The following TRANK1 variants were observed in gnomAD, a reference collection of about 807,000 sequenced individuals.
The protein encoded by TRANK1 is tetratricopeptide repeat and ankyrin repeat containing 1.
In TRANK1, 198 loss-of-function variants were observed where a neutral mutation model predicts 266.0. The observed-to-expected ratio is 0.74, with a 90% CI of 0.66 to 0.84. The LOEUF is 0.84. TRANK1 is among the 40% of genes least tolerant of loss of function. The pLI is 0.00. For missense variants in TRANK1, 3,326 were observed against 3,634.6 expected, an observed-to-expected ratio of 0.92 and a Z score of 2.18; for synonymous variants, 1,396 against 1,384.1, an observed-to-expected ratio of 1.01 and a Z score of -0.19.
At chr3:36,895,597 C>G (rs1393660657) in intron 5 of TRANK1, 43 bp downstream of exon 5, 1 of 1,203,558 alleles carries the variant, frequency 8.3e-7, no homozygotes, top group African/African-American at 1.5e-5. Context: ...ATCATTTCAT[C>G]AAGAATGTAC....
intron 1 of TRANK1, among the ~76,000 whole-genome samples, chr3:36,915,830 C>T (rs890841937): frequency 6.6e-5 from 10 of 152,152 alleles, no homozygotes; most frequent in East Asian, 5.8e-4. Context: ...AAATAGTGAG[C>T]GGTTAGCCCA....
intron 21 of TRANK1, chr3:36,834,396 G>C: frequency 9.6e-6 from 2 of 208,004 alleles, no homozygotes; most frequent in East Asian, 1.2e-4. Flanking sequence ...CCCAACTTGT[G>C]ATTCTTCTCT....
At chr3:36,915,071 C>A (rs955619667) in intron 1 of TRANK1, among the ~76,000 whole-genome samples, 1 of 152,206 alleles carries the variant, frequency 6.6e-6, no homozygotes, top group African/African-American at 2.4e-5. Flanking sequence ...CCTGCCTCAG[C>A]CTCTTGAGGA....
chr3:36,849,714 C>T (rs770290461), intron 15 of TRANK1, among the ~76,000 whole-genome samples: 10 of 152,196 alleles, frequency 6.6e-5, no homozygotes, highest in Admixed American at 2.0e-4. Flanking sequence ...TATATGGGAC[C>T]TGTCTTTCCT....
intron 1 of TRANK1, among the ~76,000 whole-genome samples, chr3:36,926,202 A>G (rs1173611009): frequency 6.6e-6 from 1 of 151,878 alleles, no homozygotes; most frequent in Non-Finnish European, 1.5e-5. Context: ...GTATATTGTC[A>G]TTTTCCCTAA....
chr3:36,897,169 G>A (rs1038137179), intron 4 of TRANK1, among the ~76,000 whole-genome samples: 1 of 151,856 alleles, frequency 6.6e-6, no homozygotes, highest in Non-Finnish European at 1.5e-5. Context: ...GGACGTGGTG[G>A]TGGTGCACAC....
chr3:36,895,609 C>T (rs1159672472), intron 5 of TRANK1, 31 bp downstream of exon 5: 3 of 1,334,312 alleles, frequency 2.2e-6, no homozygotes, highest in East Asian at 2.5e-5. Flanking sequence ...AGAATGTACT[C>T]TCCCCGTGAG....
chr3:36,939,185 C>T (rs1261073550), intron 1 of TRANK1, among the ~76,000 whole-genome samples: 1 of 151,738 alleles, frequency 6.6e-6, no homozygotes, highest in Non-Finnish European at 1.5e-5. Context: ...TATACACAGG[C>T]ACACAAACAT....
chr3:36,860,379 T>A (rs1025198305), intron 11 of TRANK1, among the ~76,000 whole-genome samples: 1 of 152,194 alleles, frequency 6.6e-6, no homozygotes, highest in African/African-American at 2.4e-5. Flanking sequence ...CAGCAAGATG[T>A]CTGCACACTC....
intron 8 of TRANK1, among the ~76,000 whole-genome samples, chr3:36,882,632 T>C (rs1575257315): frequency 6.6e-6 from 1 of 152,148 alleles, no homozygotes; most frequent in Admixed American, 6.5e-5. Context: ...CAATAAACAA[T>C]AGATTGATAA....
Position 36,904,690 on chromosome 3 carries a change from C to A in TRANK1, c.156-1415G>T, listed in dbSNP as rs543049164. Among the ~76,000 whole-genome samples the A allele has an allele frequency of 2.0e-5, 3 of 152,226 alleles. No homozygotes were observed. The South Asian group carries it at 6.2e-4, about 32-fold the overall frequency. ...GTTTTGTGTCTGGCTTCTTTCATGGCCCAACATTCCCTCTAGGTGAAGGGA... is the reference window on the plus strand; with the variant it reads ...GTTTTGTGTCTGGCTTCTTTCATGGACCAACATTCCCTCTAGGTGAAGGGA... On this transcript the variant is annotated intron_variant, in intron 2 of 23. Transcript: ENST00000645898.
rs1204325729 is a variant in TRANK1 at position 36,827,653 on chromosome 3, C to G, written c.*622G>C. On this transcript the variant is annotated 3_prime_UTR_variant, in exon 24 of 24. Transcript: ENST00000645898. The stretch of plus-strand genomic sequence containing the variant: ...CTTGGCACAGGTAGCTAAGAATGAT[C>G]ACAAAAAACAGAAGAAGGGAAGGCA... 6.6e-6 allele frequency: 1 copy of G among 152,370 alleles called. No individual in the cohort carries two copies. Among genetic ancestry groups the G allele is most frequent in the Non-Finnish European group, 1.5e-5 (1 of 68,024 alleles). 9.4% of individuals were successfully genotyped at this position (152,370 alleles called of 1,614,324 possible).
chr3:36,842,328 G>C (rs1307768140), intron 18 of TRANK1, among the ~76,000 whole-genome samples: 1 of 152,228 alleles, frequency 6.6e-6, no homozygotes, highest in African/African-American at 2.4e-5. Context: ...AGTACAGGAG[G>C]GAAAGAAAAT....
chr3:36,902,829 G>A (rs1445335531), intron 3 of TRANK1, among the ~76,000 whole-genome samples: 1 of 152,202 alleles, frequency 6.6e-6, no homozygotes, highest in African/African-American at 2.4e-5. Flanking sequence ...GATCTCCATT[G>A]TGCTCCATCC....
At chr3:36,918,185 T>C (rs529075839) in intron 1 of TRANK1, among the ~76,000 whole-genome samples, 2 of 152,116 alleles carry the variant, frequency 1.3e-5, no homozygotes, top group East Asian at 1.9e-4. Flanking sequence ...TCTACTTATA[T>C]GAGCTACTTA....
At chr3:36,851,490 G>T in intron 15 of TRANK1, 25 of 1,245,394 alleles carry the variant, frequency 2.0e-5, no homozygotes, top group Non-Finnish European at 2.4e-5. Context: ...CCAAAGAAGG[G>T]CAGGGCACAG....
At chr3:36,874,349 T>C (rs979480376) in intron 8 of TRANK1, 53 bp from the exon 9 acceptor site, 1 of 1,517,374 alleles carries the variant, frequency 6.6e-7, no homozygotes, top group African/African-American at 1.4e-5. Context: ...TTCCATAAGA[T>C]GTCCCCATGA....
rs1438154583 is a variant in TRANK1 at position 36,856,228 on chromosome 3, G to C, written c.3494C>G (p.Ala1165Gly). ...EQEYEACAGG[A>G]GVEPAGDGQA... Reference sequence around the variant, plus strand: ...GCCGTCCCCTGCTGGCTCCACACCGGCTCCTCCTGCGCAGGCTTCATACTC... The same window carrying C: ...GCCGTCCCCTGCTGGCTCCACACCGCCTCCTCCTGCGCAGGCTTCATACTC... The change falls in exon 13 of 24, where the codon GCC becomes GGC. Residue 1165 changes from alanine (A) to glycine (G), a missense_variant. By Grantham distance (60) the Ala-to-Gly change is moderately conservative. Transcript: ENST00000645898. 1.2e-6 allele frequency: 2 copies of C among 1,613,616 alleles called. No homozygotes were observed. The highest frequency in any genetic ancestry group is 4.5e-5 in the East Asian group (2 of 44,860).
At chr3:36,865,596 G>T (rs2125560029) in intron 9 of TRANK1, among the ~76,000 whole-genome samples, 1 of 152,174 alleles carries the variant, frequency 6.6e-6, no homozygotes, top group East Asian at 1.9e-4. Flanking sequence ...CACTGGCTGG[G>T]TGCGGTGGCT....
Sources: gnomAD v4.1 joint callset for allele counts (sites outside exome capture counted in the v4.1 genomes callset) on GRCh38, gnomAD v4.1.1 for gene constraint, MANE v1.5 for transcripts, NCBI Gene and HGNC (gene_info 2026-07-23, HGNC 2026-07-21) for gene names.